GRID1: variants seen among roughly 807,000 people sequenced by gnomAD.
GRID1 encodes the protein glutamate receptor ionotropic, delta-1.
In GRID1, 28 loss-of-function variants were observed where a neutral mutation model predicts 98.0. The observed-to-expected ratio is 0.29, with a 90% CI of 0.21 to 0.39. The LOEUF (loss-of-function observed/expected upper bound fraction) is 0.39. Ranked by LOEUF, GRID1 falls within the 10% of genes least tolerant of loss-of-function variation. The pLI is 1.00. For missense variants in GRID1, 1,111 were observed against 1,340.5 expected (o/e 0.83, Z 2.67); for synonymous variants, 553 against 538.5 (o/e 1.03, Z -0.37).
intron 2 of GRID1, among the ~76,000 whole-genome samples, chr10:86,251,092 A>G (rs1293319285): frequency 6.6e-6 from 1 of 152,174 alleles, no homozygotes; most frequent in East Asian, 1.9e-4. Flanking sequence ...TAAGGGTTAA[A>G]TGGATTAAGG....
intron 4 of GRID1, among the ~76,000 whole-genome samples, chr10:86,017,573 A>C (rs1483088185): frequency 6.6e-6 from 1 of 152,230 alleles, no homozygotes; most frequent in East Asian, 1.9e-4. Flanking sequence ...CAACTGGGTC[A>C]TGGTTCAATG....
intron 5 of GRID1, among the ~76,000 whole-genome samples, chr10:85,887,292 G>A (rs1841130301): frequency 6.6e-6 from 1 of 152,150 alleles, no homozygotes; most frequent in Admixed American, 6.5e-5. Flanking sequence ...TACATCTCCA[G>A]GACAGAGGAC....
intron 12 of GRID1, among the ~76,000 whole-genome samples, chr10:85,706,500 T>C (rs1292752529): frequency 6.6e-6 from 1 of 152,122 alleles, no homozygotes; most frequent in Non-Finnish European, 1.5e-5. Flanking sequence ...TGCTCATGGG[T>C]AGGAAGAATC....
intron 12 of GRID1, among the ~76,000 whole-genome samples, chr10:85,684,458 T>C (rs1443935006): frequency 6.6e-6 from 1 of 152,208 alleles, no homozygotes; most frequent in East Asian, 1.9e-4. Flanking sequence ...TGTAATTTGT[T>C]ATATTCATAT....
intron 2 of GRID1, among the ~76,000 whole-genome samples, chr10:86,290,893 C>T (rs1847502587): frequency 6.6e-6 from 1 of 152,126 alleles, no homozygotes; most frequent in Non-Finnish European, 1.5e-5. Flanking sequence ...AACACCTCCT[C>T]AGGCCACAAT....
At chr10:86,040,143 T>C (rs973642795) in intron 4 of GRID1, among the ~76,000 whole-genome samples, 1 of 152,166 alleles carries the variant, frequency 6.6e-6, no homozygotes, top group Non-Finnish European at 1.5e-5. Flanking sequence ...ACACTGTTCA[T>C]GGGAATGTAA....
intron 8 of GRID1, among the ~76,000 whole-genome samples, chr10:85,850,314 G>C (rs886448026): frequency 3.9e-5 from 6 of 152,190 alleles, no homozygotes; most frequent in South Asian, 4.1e-4. Flanking sequence ...TCCTATCCAG[G>C]CAAGTCATGC....
At chr10:86,318,337 C>T in intron 2 of GRID1, among the ~76,000 whole-genome samples, 1 of 152,256 alleles carries the variant, frequency 6.6e-6, no homozygotes, top group African/African-American at 2.4e-5. Flanking sequence ...GTCATGGCCA[C>T]TGCTGCCACA....
chr10:85,690,070 C>T (rs1218799037), intron 12 of GRID1, among the ~76,000 whole-genome samples: 1 of 152,094 alleles, frequency 6.6e-6, no homozygotes, highest in Non-Finnish European at 1.5e-5. Flanking sequence ...AACTTATCAA[C>T]ATTATCTTAT....
chr10:85,798,137 T>C (rs1308536557), intron 8 of GRID1, among the ~76,000 whole-genome samples: 2 of 152,232 alleles, frequency 1.3e-5, no homozygotes, highest in African/African-American at 4.8e-5. Context: ...AGCAATGGGA[T>C]TGCTGAGTTG....
At chr10:86,141,592 G>T (rs899052217) in intron 3 of GRID1, among the ~76,000 whole-genome samples, 1 of 152,214 alleles carries the variant, frequency 6.6e-6, no homozygotes, top group African/African-American at 2.4e-5. Context: ...GCCAATGAGG[G>T]TTTCTCCCTG....
At chr10:86,212,399 A>C (rs1168057252) in intron 2 of GRID1, among the ~76,000 whole-genome samples, 2 of 152,250 alleles carry the variant, frequency 1.3e-5, no homozygotes, top group African/African-American at 4.8e-5. Context: ...GGACATTTCC[A>C]AATGGATGAG....
intron 13 of GRID1, among the ~76,000 whole-genome samples, chr10:85,630,968 G>A (rs1842970347): frequency 6.6e-6 from 1 of 152,096 alleles, no homozygotes; most frequent in East Asian, 1.9e-4. Flanking sequence ...ATGGAAGAAG[G>A]GAAACCATAG....
chr10:85,678,790 C>A (rs1841173626), intron 12 of GRID1, among the ~76,000 whole-genome samples: 1 of 152,150 alleles, frequency 6.6e-6, no homozygotes, highest in Admixed American at 6.5e-5. Flanking sequence ...CCTCTTCTCT[C>A]CCCTTCCTCT....
chr10:85,930,781 TG>T (rs1841841429), intron 4 of GRID1, among the ~76,000 whole-genome samples: 2 of 152,242 alleles, frequency 1.3e-5, no homozygotes, highest in Non-Finnish European at 2.9e-5. Context: ...ATAGAATATG[TG>T]AATATTAATT....
intron 4 of GRID1, among the ~76,000 whole-genome samples, chr10:86,115,775 C>T (rs1346012978): frequency 6.6e-6 from 1 of 152,214 alleles, no homozygotes; most frequent in Non-Finnish European, 1.5e-5. Context: ...CAGAAGGAGC[C>T]TGCTGGTCTA....
intron 12 of GRID1, among the ~76,000 whole-genome samples, chr10:85,651,482 C>A (rs1018613331): frequency 2.6e-5 from 4 of 152,212 alleles, no homozygotes; most frequent in African/African-American, 9.6e-5. Context: ...AAGGTACATG[C>A]AAATGCTCCC....
chr10:85,948,044 A>G (rs1842075149), intron 4 of GRID1, among the ~76,000 whole-genome samples: 1 of 152,254 alleles, frequency 6.6e-6, no homozygotes, highest in South Asian at 2.1e-4. Context: ...GTGGTATCTT[A>G]GACTAGAACT....
intron 2 of GRID1, among the ~76,000 whole-genome samples, chr10:86,357,298 C>A (rs1848546048): frequency 6.6e-6 from 1 of 152,226 alleles, no homozygotes; most frequent in Admixed American, 6.5e-5. Context: ...CAATGCCTGT[C>A]AGAAAGGACA....
Sources: allele counts gnomAD v4.1 joint callset (sites outside exome capture counted in the v4.1 genomes callset), GRCh38; gene constraint gnomAD v4.1.1; transcripts MANE v1.5; gene names NCBI Gene and HGNC (gene_info 2026-07-23, HGNC 2026-07-21).